The following RAP1GDS1 variants were observed in gnomAD, a reference collection of about 807,000 sequenced individuals.
RAP1GDS1 encodes RAP1, GTP-GDP dissociation stimulator 1.
In RAP1GDS1, 35 loss-of-function variants were observed where a neutral mutation model predicts 71.1. That is an observed-to-expected ratio of 0.49 (90% CI 0.38 to 0.65). The LOEUF (loss-of-function observed/expected upper bound fraction) is 0.65, where lower values mean the gene tolerates loss of function less well. Ranked by LOEUF, RAP1GDS1 falls within the 30% of genes least tolerant of loss-of-function variation. RAP1GDS1 has a pLI of 0.00. For synonymous variants in RAP1GDS1, 229 were observed against 243.1 expected (o/e 0.94, Z 0.54); for missense variants, 663 against 706.1 (o/e 0.94, Z 0.69).
intron 6 of RAP1GDS1, chr4:98,396,740 C>T (rs757909097): frequency 6.6e-6 from 1 of 152,172 alleles, no homozygotes; most frequent in Non-Finnish European, 1.5e-5. Flanking sequence ...AATAATGTTT[C>T]TCCTTTCAGA....
intron 1 of RAP1GDS1, among the ~76,000 whole-genome samples, chr4:98,264,136 G>A (rs1448262226): frequency 1.3e-5 from 2 of 151,998 alleles, no homozygotes; most frequent in Admixed American, 6.6e-5. Context: ...AGTCTCAGCC[G>A]GGCGCGCACT....
chr4:98,397,090 A>AGAT (rs946360454), intron 6 of RAP1GDS1, among the ~76,000 whole-genome samples: 2 of 152,196 alleles, frequency 1.3e-5, no homozygotes, highest in Admixed American at 6.5e-5. Flanking sequence ...AATGAAAAAA[A>AGAT]GATTGTTTTC....
chr4:98,358,378 G>A (rs563699213), intron 4 of RAP1GDS1, among the ~76,000 whole-genome samples: 10 of 152,156 alleles, frequency 6.6e-5, no homozygotes, highest in Admixed American at 5.2e-4. Flanking sequence ...TTTACAGAAG[G>A]TAGTTTTATT....
At chr4:98,287,724 T>C (rs1726247871) in intron 1 of RAP1GDS1, among the ~76,000 whole-genome samples, 1 of 152,234 alleles carries the variant, frequency 6.6e-6, no homozygotes, top group Non-Finnish European at 1.5e-5. Flanking sequence ...ATCCAAGTAC[T>C]GCATGAATTG....
In RAP1GDS1 at chr4:98,384,351, G is replaced by GTTGT. The variant is rs540532350; in HGVS notation, c.508+5190_508+5193dup. ...TTATTCTTTCTTTATTATACTAACT[G>GTTGT]TTGTTCTTTATTTACTGTTGTTCTC... On this transcript the variant is annotated intron_variant, in intron 5 of 14. Transcript: ENST00000408927. Among the ~76,000 whole-genome samples, 659 of 151,656 alleles carry GTTGT rather than the reference G, an allele frequency of 4.3e-3. 4 individuals are homozygous for GTTGT. The highest frequency in any genetic ancestry group is 7.1e-3 in the Non-Finnish European group (483 of 67,616).
chr4:98,398,236 AAGG>A (rs1744839583), intron 6 of RAP1GDS1, among the ~76,000 whole-genome samples: 1 of 152,046 alleles, frequency 6.6e-6, no homozygotes, highest in African/African-American at 2.4e-5. Flanking sequence ...GGAAAAAAAA[AAGG>A]AGATAGAAAA....
At chr4:98,292,446 A>C (rs185935121) in intron 1 of RAP1GDS1, among the ~76,000 whole-genome samples, 84 of 152,154 alleles carry the variant, frequency 5.5e-4, no homozygotes, top group African/African-American at 2.0e-3. Flanking sequence ...AATTTCTAAA[A>C]ATGTAAAACA....
chr4:98,278,827 G>A (rs1383338275), intron 1 of RAP1GDS1, among the ~76,000 whole-genome samples: 1 of 152,162 alleles, frequency 6.6e-6, no homozygotes, highest in African/African-American at 2.4e-5. Context: ...CCTAAACCAA[G>A]ATCTGTTGGA....
At chr4:98,374,972 A>G (rs1740952354) in intron 4 of RAP1GDS1, among the ~76,000 whole-genome samples, 1 of 152,192 alleles carries the variant, frequency 6.6e-6, no homozygotes, top group Non-Finnish European at 1.5e-5. Context: ...AGAAACTTAA[A>G]TATTTCACAG....
intron 14 of RAP1GDS1, among the ~76,000 whole-genome samples, chr4:98,439,273 G>A (rs1751582611): frequency 6.6e-6 from 1 of 152,138 alleles, no homozygotes; most frequent in Non-Finnish European, 1.5e-5. Flanking sequence ...CCTGGTTTCT[G>A]ATGAGAAATC....
chr4:98,354,223 C>T lies in RAP1GDS1; in HGVS notation c.361+1622C>T, dbSNP rs544506218. Among the ~76,000 whole-genome samples the T allele has an allele frequency of 5.3e-4, 80 of 151,444 alleles. 1 individual carries two copies. The South Asian group carries it at 0.016, about 30-fold the overall frequency. ...GACTACAGGCGCCCGCCACCGCGCC[C>T]GGCTAATTTTTTGTATTTTTAGTAG... On this transcript the variant is annotated intron_variant, in intron 4 of 14. Transcript: ENST00000408927.
chr4:98,412,420 TAGG>T (rs1476072298), intron 7 of RAP1GDS1, among the ~76,000 whole-genome samples: 1 of 152,000 alleles, frequency 6.6e-6, no homozygotes, highest in African/African-American at 2.4e-5. Flanking sequence ...GAGGCTGAGA[TAGG>T]AGGATTGCTT....
intron 3 of RAP1GDS1, among the ~76,000 whole-genome samples, chr4:98,347,126 TAATAA>T (rs961574325): frequency 9.9e-5 from 15 of 152,184 alleles, no homozygotes; most frequent in African/African-American, 3.6e-4. Flanking sequence ...AAGAGAGTTT[TAATAA>T]AATAGTTTCT....
At chr4:98,416,603 G>T (rs1374846215) in intron 7 of RAP1GDS1, 142 bp from the exon 8 acceptor site, 1 of 616,920 alleles carries the variant, frequency 1.6e-6, no homozygotes. Context: ...GCCCATCTCG[G>T]CCTCCCAAAG....
At chr4:98,403,475 T>C (rs1745714413) in intron 6 of RAP1GDS1, among the ~76,000 whole-genome samples, 1 of 152,044 alleles carries the variant, frequency 6.6e-6, no homozygotes, top group Non-Finnish European at 1.5e-5. Context: ...ATATACTGAG[T>C]TGAGGAACCC....
chr4:98,438,064 C>G (rs1578891747), intron 14 of RAP1GDS1, among the ~76,000 whole-genome samples: 3 of 152,174 alleles, frequency 2.0e-5, no homozygotes, highest in Admixed American at 2.0e-4. Context: ...CCTTTCAGTT[C>G]TGTCAATTTT....
intron 5 of RAP1GDS1, among the ~76,000 whole-genome samples, chr4:98,391,649 A>T (rs1297757783): frequency 6.6e-6 from 1 of 152,112 alleles, no homozygotes; most frequent in African/African-American, 2.4e-5. Flanking sequence ...GTTTATACTT[A>T]TTAAAAGCCT....
At chr4:98,314,545 T>TAC in intron 2 of RAP1GDS1, among the ~76,000 whole-genome samples, 1 of 152,284 alleles carries the variant, frequency 6.6e-6, no homozygotes, top group South Asian at 2.1e-4. Flanking sequence ...CAGTTGAACT[T>TAC]ATGTCAGTGT....
chr4:98,378,490 T>C (rs1286329359), intron 4 of RAP1GDS1, among the ~76,000 whole-genome samples: 5 of 151,964 alleles, frequency 3.3e-5, no homozygotes, highest in Non-Finnish European at 7.4e-5. Flanking sequence ...AGGAATTACC[T>C]ATTATGATTT....
Sources: gnomAD v4.1 joint callset for allele counts (sites outside exome capture counted in the v4.1 genomes callset) on GRCh38, gnomAD v4.1.1 for gene constraint, MANE v1.5 for transcripts, NCBI Gene and HGNC (gene_info 2026-07-23, HGNC 2026-07-21) for gene names.